CNTNAP2: variants seen among roughly 807,000 people sequenced by gnomAD.
CNTNAP2 encodes contactin-associated protein-like 2.
A neutral mutation model predicts 155.2 loss-of-function variants in CNTNAP2; 98 were observed. The ratio of observed to expected loss-of-function variants is 0.63; its 90% CI spans 0.54 to 0.75. The LOEUF is 0.75. Among genes scored for constraint, CNTNAP2 ranks in the 30% least tolerant of loss-of-function variants. The probability of loss-of-function intolerance (pLI) is 0.00; values close to 1 mark genes in which losing one functional copy is unlikely to be tolerated. For missense variants in CNTNAP2, 1,727 were observed against 1,688.1 expected (o/e 1.02, Z -0.40); for synonymous variants, 651 against 631.2 (o/e 1.03, Z -0.47).
chr7:147,741,376 C>T (rs577535123), intron 13 of CNTNAP2, among the ~76,000 whole-genome samples: 9 of 152,270 alleles, frequency 5.9e-5, no homozygotes, highest in Admixed American at 1.3e-4. Flanking sequence ...TGCTGGGTTG[C>T]AGTTTAATCC....
At chr7:148,311,906 T>C (rs933815361) in intron 21 of CNTNAP2, among the ~76,000 whole-genome samples, 1 of 152,120 alleles carries the variant, frequency 6.6e-6, no homozygotes, top group Admixed American at 6.5e-5. Flanking sequence ...AGGTGTGGTA[T>C]CTGGAATACT....
intron 21 of CNTNAP2, among the ~76,000 whole-genome samples, chr7:148,324,606 T>G (rs547410773): frequency 6.6e-6 from 1 of 152,044 alleles, no homozygotes; most frequent in Non-Finnish European, 1.5e-5. Flanking sequence ...GAGACCAGCC[T>G]GGCCAACATG....
At chr7:147,042,529 C>T (rs1799279403) in intron 3 of CNTNAP2, among the ~76,000 whole-genome samples, 1 of 151,986 alleles carries the variant, frequency 6.6e-6, no homozygotes, top group African/African-American at 2.4e-5. Flanking sequence ...CTTTCAATTC[C>T]GAAGCTACTC....
chr7:147,837,615 C>T (rs568068786), intron 13 of CNTNAP2, among the ~76,000 whole-genome samples: 1 of 152,230 alleles, frequency 6.6e-6, no homozygotes, highest in South Asian at 2.1e-4. Context: ...TCCCTTCTGC[C>T]TATGAGCCAG....
At chr7:146,235,581 A>G (rs1380111497) in intron 1 of CNTNAP2, among the ~76,000 whole-genome samples, 1 of 152,144 alleles carries the variant, frequency 6.6e-6, no homozygotes, top group Non-Finnish European at 1.5e-5. Flanking sequence ...TGCCATCAGC[A>G]TCATCTTCTC....
chr7:147,395,461 C>A (rs1205419199), intron 9 of CNTNAP2, 148 bp from the exon 10 acceptor site: 1 of 758,284 alleles, frequency 1.3e-6, no homozygotes, highest in East Asian at 2.7e-5. Context: ...CAAAAAACTT[C>A]CTTTTTCTAC....
chr7:147,317,760 G>GGA (rs1165419501), intron 9 of CNTNAP2, among the ~76,000 whole-genome samples: 112 of 145,476 alleles, frequency 7.7e-4, no homozygotes, highest in African/African-American at 2.8e-3. Context: ...TTCAAAAAAA[G>GGA]GATATATATA....
chr7:147,313,741 T>C (rs909744837), intron 9 of CNTNAP2, among the ~76,000 whole-genome samples: 1 of 152,190 alleles, frequency 6.6e-6, no homozygotes, highest in Admixed American at 6.5e-5. Flanking sequence ...GACTTGGCGA[T>C]GCGGGCTCTT....
At chr7:148,228,082 A>G (rs796297640) in intron 19 of CNTNAP2, among the ~76,000 whole-genome samples, 7 of 152,188 alleles carry the variant, frequency 4.6e-5, no homozygotes, top group African/African-American at 1.7e-4. Context: ...TCAGAATATC[A>G]GTTTTGTTCC....
chr7:148,192,535 AAAAAAAC>A (rs1322126843), intron 18 of CNTNAP2, among the ~76,000 whole-genome samples: 1 of 152,032 alleles, frequency 6.6e-6, no homozygotes, highest in African/African-American at 2.4e-5. Flanking sequence ...ATGACCAAAA[AAAAAAAC>A]AAAAAACAAA....
intron 1 of CNTNAP2, among the ~76,000 whole-genome samples, chr7:146,465,471 AC>A (rs1796704220): frequency 6.6e-6 from 1 of 152,076 alleles, no homozygotes; most frequent in South Asian, 2.1e-4. Flanking sequence ...CTTCAATGTG[AC>A]TTTTAGTGAG....
chr7:148,402,315 G>A (rs544729827), intron 22 of CNTNAP2, among the ~76,000 whole-genome samples: 89 of 140,440 alleles, frequency 6.3e-4, no homozygotes, highest in South Asian at 2.0e-3. Flanking sequence ...AATGCTGGCT[G>A]GCTACTTTTT....
chr7:146,662,296 C>T (rs1467056264), intron 1 of CNTNAP2, among the ~76,000 whole-genome samples: 1 of 152,140 alleles, frequency 6.6e-6, no homozygotes, highest in Non-Finnish European at 1.5e-5. Flanking sequence ...CGCCACCACG[C>T]CTGGCTAGTT....
In CNTNAP2 at chr7:148,099,421, T is replaced by TTGTGTGTGTGTGTGTGTGTG. The variant is rs35957905; in HGVS notation, c.2384-18677_2384-18658dup. ...TCCTTGCAAGAAAAAAGCATTGCAATTGTGTGTGTGTGTGTGTGTGTGTGT... is the reference window on the plus strand; with the variant it reads ...TCCTTGCAAGAAAAAAGCATTGCAATTGTGTGTGTGTGTGTGTGTGTGTGTGTGTGTGTGTGTGTGTGTGT... On this transcript the variant is annotated intron_variant, in intron 15 of 23. Transcript: ENST00000361727. Among the ~76,000 whole-genome samples, 24 of 141,044 alleles carry TTGTGTGTGTGTGTGTGTGTG rather than the reference T, an allele frequency of 1.7e-4. 2 individuals are homozygous for TTGTGTGTGTGTGTGTGTGTG. Among genetic ancestry groups the TTGTGTGTGTGTGTGTGTGTG allele is most frequent in the East Asian group, 1.1e-3 (5 of 4,666 alleles). The allele number at this position is 141,044 out of a possible 152,430, so 92.5% of individuals were successfully genotyped here. A position where few individuals can be genotyped will look rare whatever the true frequency, so the allele number is the denominator to read the frequency against.
At chr7:147,291,979 T>A (rs1805323565) in intron 8 of CNTNAP2, among the ~76,000 whole-genome samples, 1 of 152,174 alleles carries the variant, frequency 6.6e-6, no homozygotes, top group South Asian at 2.1e-4. Flanking sequence ...CTTAGTATAT[T>A]TTAGTATATT....
intron 19 of CNTNAP2, among the ~76,000 whole-genome samples, chr7:148,222,700 G>A (rs936377665): frequency 2.0e-5 from 3 of 152,168 alleles, no homozygotes; most frequent in Non-Finnish European, 4.4e-5. Flanking sequence ...TCACACCATA[G>A]CATAGGGATA....
chr7:147,736,780 A>C (rs923319707), intron 13 of CNTNAP2, among the ~76,000 whole-genome samples: 4 of 152,102 alleles, frequency 2.6e-5, no homozygotes, highest in Admixed American at 6.5e-5. Flanking sequence ...TTTGATCTTC[A>C]GTCACTGATA....
chr7:147,887,286 A>G (rs1799618311), intron 13 of CNTNAP2, among the ~76,000 whole-genome samples: 1 of 152,172 alleles, frequency 6.6e-6, no homozygotes, highest in Non-Finnish European at 1.5e-5. Flanking sequence ...AGCTTGGCCA[A>G]CATGGTGAAA....
intron 10 of CNTNAP2, among the ~76,000 whole-genome samples, chr7:147,481,449 T>C (rs1798421541): frequency 6.6e-6 from 1 of 152,314 alleles, no homozygotes; most frequent in South Asian, 2.1e-4. Flanking sequence ...AAAATAAAAG[T>C]GCAACTGTCA....
Sources: allele counts gnomAD v4.1 joint callset (sites outside exome capture counted in the v4.1 genomes callset), GRCh38; gene constraint gnomAD v4.1.1; transcripts MANE v1.5; gene names NCBI Gene and HGNC (gene_info 2026-07-23, HGNC 2026-07-21).